The following TOM1 variants were observed in gnomAD, a reference collection of about 807,000 sequenced individuals.
TOM1 encodes the protein target of myb1 membrane trafficking protein, also known as target of Myb protein 1.
A neutral mutation model predicts 61.3 loss-of-function variants in TOM1; 38 were observed. That is an observed-to-expected ratio of 0.62 (90% CI 0.48 to 0.81). The LOEUF (loss-of-function observed/expected upper bound fraction) is 0.81, where lower values mean the gene tolerates loss of function less well. Ranked by LOEUF, TOM1 falls within the 40% of genes least tolerant of loss-of-function variation. The probability of loss-of-function intolerance (pLI) is 0.00; values close to 1 mark genes in which losing one functional copy is unlikely to be tolerated. For missense variants in TOM1, 591 were observed against 659.6 expected, an observed-to-expected ratio of 0.90 and a Z score of 1.14; for synonymous variants, 270 against 268.8, an observed-to-expected ratio of 1.00 and a Z score of -0.04.
chr22:35,336,539 C>T (rs1190077427), intron 11 of TOM1, among the ~76,000 whole-genome samples: 1 of 152,250 alleles, frequency 6.6e-6, no homozygotes, highest in Non-Finnish European at 1.5e-5. Flanking sequence ...CAAGGAGTAG[C>T]AGGGCTTCTG....
intron 3 of TOM1, chr22:35,322,397 T>C: frequency 3.8e-6 from 1 of 262,056 alleles, no homozygotes; most frequent in Non-Finnish European, 7.3e-6. Context: ...ACTTTGGTGC[T>C]CTGGCAAATG....
intron 12 of TOM1, among the ~76,000 whole-genome samples, chr22:35,343,229 C>T (rs1194207299): frequency 6.8e-6 from 1 of 146,720 alleles, no homozygotes. Context: ...ACACACCACA[C>T]ACACATCTAC....
At chr22:35,309,425 C>T (rs912560520) in intron 1 of TOM1, among the ~76,000 whole-genome samples, 4 of 152,170 alleles carry the variant, frequency 2.6e-5, no homozygotes, top group African/African-American at 9.7e-5. Context: ...AGGCAGATCG[C>T]CTGAGGTCAG....
At chr22:35,321,799 G>T (rs1356101259) in intron 2 of TOM1, 160 bp from the exon 3 acceptor site, 6 of 749,842 alleles carry the variant, frequency 8.0e-6, no homozygotes, top group African/African-American at 1.7e-5. Context: ...TAAGCAATGG[G>T]CTAGGAAGAT....
At chr22:35,318,004 C>A (rs1302071609) in intron 2 of TOM1, 43 bp downstream of exon 2, 3 of 1,512,728 alleles carry the variant, frequency 2.0e-6, no homozygotes, top group Non-Finnish European at 2.8e-6. Context: ...AGACGGCCAT[C>A]CCACCACGCA....
At chr22:35,317,389 A>AT (rs1216712397) in intron 1 of TOM1, among the ~76,000 whole-genome samples, 1 of 152,042 alleles carries the variant, frequency 6.6e-6, no homozygotes, top group Non-Finnish European at 1.5e-5. Flanking sequence ...GGGCTTCACC[A>AT]TGTTGGTCAG....
chr22:35,300,397 C>A (rs1393106841), intron 1 of TOM1, among the ~76,000 whole-genome samples: 1 of 152,244 alleles, frequency 6.6e-6, no homozygotes, highest in African/African-American at 2.4e-5. Flanking sequence ...GACACAGACA[C>A]CTGAGAAGGG....
Position 35,308,558 on chromosome 22 carries a change from G to A in TOM1, c.52+8578G>A, listed in dbSNP as rs527818133. On this transcript the variant is annotated intron_variant, in intron 1 of 14. Transcript: ENST00000449058. ...TGGCCTCTCAAAGTGCTAGGATTAC[G>A]GGCATGAGCTACCACAGCCAGCCTA... 3.4e-4 allele frequency among the ~76,000 whole-genome samples: 51 copies of A among 151,996 alleles called. 1 individual carries two copies. The South Asian group carries it at 8.5e-3, about 25-fold the overall frequency.
At chr22:35,320,730 C>T (rs564061142) in intron 2 of TOM1, among the ~76,000 whole-genome samples, 12 of 152,238 alleles carry the variant, frequency 7.9e-5, no homozygotes, top group South Asian at 2.1e-4. Flanking sequence ...TGGATCTCCC[C>T]GCAAGGTGGG....
chr22:35,305,160 G>A (rs1311971764), intron 1 of TOM1, among the ~76,000 whole-genome samples: 1 of 152,260 alleles, frequency 6.6e-6, no homozygotes, highest in East Asian at 1.9e-4. Flanking sequence ...CTTAAGCGAT[G>A]TTGAGGAGAC....
intron 1 of TOM1, among the ~76,000 whole-genome samples, chr22:35,313,344 C>CAA (rs911758207): frequency 2.9e-5 from 4 of 138,212 alleles, no homozygotes; most frequent in African/African-American, 5.3e-5. Flanking sequence ...GAGACTGTCT[C>CAA]AAAAAAAAAA....
intron 12 of TOM1, among the ~76,000 whole-genome samples, chr22:35,339,198 G>A (rs1057054299): frequency 6.6e-6 from 1 of 152,184 alleles, no homozygotes; most frequent in African/African-American, 2.4e-5. Context: ...GGGCGTGGTG[G>A]CACATGCCTG....
At chr22:35,338,877 ACTGGCC>A in intron 12 of TOM1, 89 bp downstream of exon 12, 1 of 1,249,542 alleles carries the variant, frequency 8.0e-7, no homozygotes, top group Admixed American at 2.9e-5. Flanking sequence ...TGGGCCAAGC[ACTGGCC>A]CAGCACGTCC....
Position 35,323,981 on chromosome 22 carries a change from C to T in TOM1, c.648+67C>T. 1.3e-6 allele frequency: 2 copies of T among 1,493,374 alleles called. No individual in the cohort carries two copies. Among genetic ancestry groups the T allele is most frequent in the Non-Finnish European group, 8.9e-7 (1 of 1,117,454 alleles). 92.5% of individuals were successfully genotyped at this position (1,493,374 alleles called of 1,614,324 possible). A position where few individuals can be genotyped will look rare whatever the true frequency, so the allele number is the denominator to read the frequency against. On this transcript the variant is annotated intron_variant, in intron 6 of 14. Coordinates refer to ENST00000449058, the MANE Select transcript of TOM1 (RefSeq NM_005488.3). This position sits in a 1 kb window ranked among gnomAD's most constrained non-coding sequence, Gnocchi z 4.2. Reference sequence around the variant, plus strand: ...GGGCCACACACGTCAGGGAGGGCCCCCTGTCAGAATTTACCATCCACGGAG... The same window carrying T: ...GGGCCACACACGTCAGGGAGGGCCCTCTGTCAGAATTTACCATCCACGGAG...
chr22:35,304,517 C>T (rs946112130), intron 1 of TOM1, among the ~76,000 whole-genome samples: 21 of 152,128 alleles, frequency 1.4e-4, no homozygotes, highest in Admixed American at 1.2e-3. Context: ...CTCACTCTGT[C>T]GCCCAGGCGG....
chr22:35,343,216 TACACACACC>T (rs1945521478), intron 12 of TOM1, among the ~76,000 whole-genome samples: 1 of 22,056 alleles, frequency 4.5e-5, no homozygotes, highest in African/African-American at 1.8e-4. Context: ...CACACACCCC[TACACACACC>T]ACACACACAT....
Position 35,311,970 on chromosome 22 carries a change from T to C in TOM1, c.53-5907T>C, listed in dbSNP as rs536460260. On this transcript the variant is annotated intron_variant, in intron 1 of 14. Transcript: ENST00000449058. ...GGTGGGGCTTAGAAGATGAGGGGAG[T>C]TCGGCTGGGCACGGTGGCTCACGCC... Among the ~76,000 whole-genome samples, 3 of 151,722 alleles carry C rather than the reference T, an allele frequency of 2.0e-5. No individual in the cohort carries two copies. The South Asian group carries it at 6.3e-4, about 32-fold the overall frequency.
chr22:35,347,416 G>C lies in TOM1; in HGVS notation c.*207G>C. The stretch of plus-strand genomic sequence containing the variant: ...GGGGGACAGGTCTGCGCTGCAGTGG[G>C]ATCTGGCTGCTCTGCCTCCTTTCCC... On this transcript the variant is annotated 3_prime_UTR_variant, in exon 15 of 15. Transcript: ENST00000449058. 2.1e-6 allele frequency: 1 copy of C among 484,792 alleles called. No homozygotes were observed. Among genetic ancestry groups the C allele is most frequent in the Non-Finnish European group, 3.6e-6 (1 of 279,616 alleles). The allele number at this position is 484,792 out of a possible 1,614,324, so 30.0% of individuals were successfully genotyped here. A position where few individuals can be genotyped will look rare whatever the true frequency, so the allele number is the denominator to read the frequency against.
In TOM1 at chr22:35,338,782, T is replaced by C; in HGVS notation, c.1218T>C (p.Thr406=). Residue 406 remains threonine (T), a synonymous_variant, in exon 12 of 15, where the codon ACT becomes ACC. Transcript: ENST00000449058. ...AGALDARQQS[T]GAIPVTQACL... ...CCCTGGACGCCCGGCAGCAGAGCACTGGCGCGGTAAGCAGAGGGGCCATCC... is the reference window on the plus strand; with the variant it reads ...CCCTGGACGCCCGGCAGCAGAGCACCGGCGCGGTAAGCAGAGGGGCCATCC... 1.9e-6 allele frequency: 3 copies of C among 1,593,548 alleles called. No individual in the cohort carries two copies. Among genetic ancestry groups the C allele is most frequent in the Non-Finnish European group, 2.6e-6 (3 of 1,171,770 alleles).
Sources: gnomAD v4.1 joint callset for allele counts (sites outside exome capture counted in the v4.1 genomes callset) on GRCh38, gnomAD v4.1.1 for gene constraint, Gnocchi (gnomAD v3.1) non-coding constraint, MANE v1.5 for transcripts, NCBI Gene and HGNC (gene_info 2026-07-23, HGNC 2026-07-21) for gene names.